Variants in ITSN2 observed in about 807,000 individuals in gnomAD.
The protein encoded by ITSN2 is intersectin 2, also known as intersectin-2.
In ITSN2, 156 loss-of-function variants were observed where a neutral mutation model predicts 243.7. The ratio of observed to expected loss-of-function variants is 0.64; its 90% confidence interval spans 0.56 to 0.73. The LOEUF is 0.73. Among genes scored for constraint, ITSN2 ranks in the 30% least tolerant of loss-of-function variants. The pLI, the probability that ITSN2 is intolerant of heterozygous loss-of-function variation, is 0.00. For synonymous variants in ITSN2, 703 were observed against 699.9 expected (o/e 1.00, Z -0.07); for missense variants, 1,801 against 1,996.1 (o/e 0.90, Z 1.86).
intron 34 of ITSN2, 175 bp from the exon 35 acceptor site, chr2:24,210,208 A>G (rs1021410786): frequency 1.7e-5 from 10 of 585,786 alleles, no homozygotes; most frequent in East Asian, 1.7e-4. Flanking sequence ...TCAGAGTCCA[A>G]ACTGGCCCAG....
chr2:24,291,292 C>T (rs1208535599), intron 15 of ITSN2, among the ~76,000 whole-genome samples: 2 of 151,902 alleles, frequency 1.3e-5, no homozygotes, highest in Admixed American at 1.3e-4. Flanking sequence ...ACTACCCCTA[C>T]TGATTTTTGT....
chr2:24,205,430 G>T lies in ITSN2; in HGVS notation c.4679-133C>A, dbSNP rs141646720. 89 of 687,446 alleles carry T rather than the reference G, an allele frequency of 1.3e-4. No homozygotes were observed. The African/African-American group carries it at 1.4e-3, about 11-fold the overall frequency. The allele number at this position is 687,446 out of a possible 1,614,324, so 42.6% of individuals were successfully genotyped here. ...CCTGGGCCCAACAGCCCAGCATCTG[G>T]CTGCCCTGTGCCTTTCCCCAGGCTG... is the stretch of plus-strand genomic sequence containing the variant. On this transcript the variant is annotated intron_variant, in intron 37 of 39. Coordinates refer to ENST00000355123, the MANE Select transcript of ITSN2 (RefSeq NM_006277.3).
chr2:24,298,886 A>T, intron 12 of ITSN2, 72 bp from the exon 13 acceptor site: 1 of 1,444,754 alleles, frequency 6.9e-7, no homozygotes, highest in African/African-American at 1.4e-5. Flanking sequence ...TGGGAAGACA[A>T]CAATAAAAGT....
At chr2:24,338,360 G>T (rs1686689221) in intron 1 of ITSN2, among the ~76,000 whole-genome samples, 1 of 152,134 alleles carries the variant, frequency 6.6e-6, no homozygotes, top group Non-Finnish European at 1.5e-5. Flanking sequence ...TGGAACCAAT[G>T]TATTTCTTAA....
chr2:24,269,775 C>T (rs1482639122), intron 20 of ITSN2, among the ~76,000 whole-genome samples: 1 of 152,136 alleles, frequency 6.6e-6, no homozygotes, highest in African/African-American at 2.4e-5. Flanking sequence ...TATAAGTAAA[C>T]TCTTGACCAA....
intron 17 of ITSN2, among the ~76,000 whole-genome samples, chr2:24,281,737 T>C (rs187317538): frequency 3.5e-4 from 53 of 152,364 alleles, no homozygotes; most frequent in African/African-American, 1.3e-3. Flanking sequence ...ATTTCATGCC[T>C]ATTTCTCTCC....
intron 29 of ITSN2, among the ~76,000 whole-genome samples, chr2:24,233,087 C>T (rs1671788532): frequency 6.6e-6 from 1 of 152,194 alleles, no homozygotes; most frequent in South Asian, 2.1e-4. Context: ...GAGACTGTTC[C>T]ATGCACTGTA....
chr2:24,263,875 C>CA (rs1274256578), intron 20 of ITSN2, among the ~76,000 whole-genome samples: 17 of 152,262 alleles, frequency 1.1e-4, no homozygotes, highest in African/African-American at 2.9e-4. Flanking sequence ...CATTTGTCTT[C>CA]ATACGGACAT....
At position 24,298,815 on chromosome 2, in the gene ITSN2, C is replaced by T; in HGVS notation, c.1345-1G>A. 1 of 1,570,016 alleles carries T rather than the reference C, an allele frequency of 6.4e-7. No homozygotes were observed. The highest frequency in any genetic ancestry group is 1.7e-4 in the Middle Eastern group (1 of 5,808). Reference sequence around the variant, plus strand: ...GTCGTTCAAGTTCCTGTTTTGCTGCCTGAAAAAAAAAAGGAATTATACTTA... The same window carrying T: ...GTCGTTCAAGTTCCTGTTTTGCTGCTTGAAAAAAAAAAGGAATTATACTTA... On this transcript the variant is annotated splice_acceptor_variant, in intron 12 of 39. Transcript: ENST00000355123. LOFTEE classifies it high-confidence loss of function.
intron 30 of ITSN2, among the ~76,000 whole-genome samples, chr2:24,219,176 G>A (rs185149789): frequency 6.6e-6 from 1 of 152,294 alleles, no homozygotes; most frequent in Non-Finnish European, 1.5e-5. Context: ...ACTAACCCCA[G>A]GTTTCAGCCT....
intron 17 of ITSN2, among the ~76,000 whole-genome samples, chr2:24,278,531 C>T (rs1678321215): frequency 6.6e-6 from 1 of 152,094 alleles, no homozygotes; most frequent in Non-Finnish European, 1.5e-5. Flanking sequence ...AAATTCCTAT[C>T]CTTAGACCTA....
intron 17 of ITSN2, 99 bp downstream of exon 17, chr2:24,284,664 A>T: frequency 1.4e-6 from 1 of 739,410 alleles, no homozygotes; most frequent in Non-Finnish European, 2.4e-6. Context: ...ATGTTATTTC[A>T]AACAAAGATA....
In ITSN2 at chr2:24,225,868, A is replaced by G. The variant is rs2151176648; in HGVS notation, c.3578-4802T>C. 6.6e-6 allele frequency among the ~76,000 whole-genome samples: 1 copy of G among 152,274 alleles called. No homozygotes were observed. Among genetic ancestry groups the G allele is most frequent in the East Asian group, 1.9e-4 (1 of 5,184 alleles). On this transcript the variant is annotated intron_variant, in intron 29 of 39. Transcript: ENST00000355123. The surrounding 1 kb of genome is among the most constrained non-coding windows in gnomAD (Gnocchi z 4.2). ...AGGGTAACATCTTTTTTGTCCTGAG[A>G]AAAGTCCTGATGAACTGAGGAATTC...
At position 24,312,267 on chromosome 2, in the gene ITSN2, G is replaced by C; in HGVS notation, c.297C>G (p.Leu99=). Residue 99 remains leucine, a synonymous_variant, in exon 5 of 40, where the codon CTC becomes CTG. Coordinates refer to ENST00000355123, the MANE Select transcript of ITSN2 (RefSeq NM_006277.3). ...KLQGQQLPVV[L]PPIMKQPPMF... ...TAGGGGGTTGCTTCATAATAGGAGG[G>C]AGAACCACAGGCAACTGTTGGCCTT... 6.2e-7 allele frequency: 1 copy of C among 1,613,676 alleles called. No individual in the cohort carries two copies. Among genetic ancestry groups the C allele is most frequent in the South Asian group, 1.1e-5 (1 of 90,982 alleles).
At chr2:24,232,147 T>G (rs72853596) in intron 29 of ITSN2, among the ~76,000 whole-genome samples, 1,527 of 152,326 alleles carry the variant, frequency 0.01, 26 homozygotes, top group African/African-American at 0.035. Flanking sequence ...AATTTCTAAA[T>G]TCATGTCTTT....
At chr2:24,251,318 A>AT (rs1553355888) in intron 25 of ITSN2, among the ~76,000 whole-genome samples, 1,295 of 5,948 alleles carry the variant, frequency 0.22, 511 homozygotes, top group African/African-American at 0.4. Context: ...TCAAAAAAAA[A>AT]AAAAAATAAA....
intron 20 of ITSN2, among the ~76,000 whole-genome samples, chr2:24,262,133 C>G (rs1675981260): frequency 6.6e-6 from 1 of 151,972 alleles, no homozygotes; most frequent in Non-Finnish European, 1.5e-5. Context: ...TGAATTTTTT[C>G]AATTTTAGAC....
chr2:24,356,111 A>T (rs1007159807), intron 1 of ITSN2, among the ~76,000 whole-genome samples: 15 of 152,004 alleles, frequency 9.9e-5, no homozygotes, highest in African/African-American at 3.4e-4. Flanking sequence ...GAGGCAGGAG[A>T]ATCACACTTG....
chr2:24,298,918 T>C, intron 12 of ITSN2, 104 bp from the exon 13 acceptor site: 1 of 993,692 alleles, frequency 1.0e-6, no homozygotes, highest in South Asian at 1.7e-5. Flanking sequence ...TAGCACTTAG[T>C]GGCTTTAGTG....
Sources: allele counts gnomAD v4.1 joint callset (sites outside exome capture counted in the v4.1 genomes callset), GRCh38; gene constraint gnomAD v4.1.1; non-coding constraint Gnocchi (gnomAD v3.1); transcripts MANE v1.5; gene names NCBI Gene and HGNC (gene_info 2026-07-23, HGNC 2026-07-21).